HCN1: variants seen among roughly 807,000 people sequenced by gnomAD.
HCN1 encodes the protein hyperpolarization activated cyclic nucleotide gated potassium channel 1.
In HCN1, 13 loss-of-function variants were observed where a neutral mutation model predicts 78.9. The ratio of observed to expected loss-of-function variants is 0.16; its 90% CI spans 0.11 to 0.26. HCN1 has a LOEUF of 0.26. HCN1 is among the 10% of genes least tolerant of loss of function. The pLI, the probability that HCN1 is intolerant of heterozygous loss-of-function variation, is 1.00. For missense variants in HCN1, 810 were observed against 1,154.3 expected (o/e 0.70, Z 4.32); for synonymous variants, 552 against 455.5 (o/e 1.21, Z -2.70).
intron 6 of HCN1, among the ~76,000 whole-genome samples, chr5:45,283,719 G>A (rs977059086): frequency 1.3e-5 from 2 of 151,892 alleles, no homozygotes; most frequent in African/African-American, 4.8e-5. Flanking sequence ...CAACCATTGT[G>A]GAAAGCAGTA....
intron 2 of HCN1, among the ~76,000 whole-genome samples, chr5:45,592,458 T>C (rs1424436181): frequency 6.6e-6 from 1 of 152,178 alleles, no homozygotes; most frequent in African/African-American, 2.4e-5. Flanking sequence ...AGAAAACAAA[T>C]AATAGATGAT....
intron 2 of HCN1, among the ~76,000 whole-genome samples, chr5:45,571,528 C>T (rs758972667): frequency 3.3e-5 from 5 of 152,140 alleles, no homozygotes; most frequent in African/African-American, 7.2e-5. Context: ...AACCTGGATG[C>T]TTCATGGGAA....
intron 1 of HCN1, among the ~76,000 whole-genome samples, chr5:45,686,846 C>A (rs1318654281): frequency 6.6e-6 from 1 of 152,118 alleles, no homozygotes; most frequent in African/African-American, 2.4e-5. Context: ...TCTTTCAAGG[C>A]TAGCTATTTT....
intron 4 of HCN1, among the ~76,000 whole-genome samples, chr5:45,380,116 G>A (rs1039295456): frequency 1.3e-5 from 2 of 152,034 alleles, no homozygotes; most frequent in Admixed American, 6.6e-5. Context: ...GCATTTATTT[G>A]TCATGGTTCT....
intron 2 of HCN1, chr5:45,558,991 C>T (rs1010308067): frequency 6.8e-6 from 1 of 148,054 alleles, no homozygotes; most frequent in East Asian, 2.0e-4. Context: ...AAACTCCTGG[C>T]CTCAAATGGT....
intron 4 of HCN1, among the ~76,000 whole-genome samples, chr5:45,378,465 G>A (rs985386097): frequency 6.6e-6 from 1 of 152,010 alleles, no homozygotes; most frequent in African/African-American, 2.4e-5. Context: ...GAACCTGCCT[G>A]GAGCCAGGCA....
chr5:45,307,902 C>T (rs1191152458), intron 5 of HCN1, among the ~76,000 whole-genome samples: 1 of 152,214 alleles, frequency 6.6e-6, no homozygotes, highest in East Asian at 1.9e-4. Context: ...ATGTGATGTA[C>T]ATGGGAATTC....
rs1468516767 is a variant in HCN1 at position 45,351,399 on chromosome 5, G to A, written c.1377+1701C>T. 1.2e-4 allele frequency among the ~76,000 whole-genome samples: 13 copies of A among 106,314 alleles called. 1 individual carries two copies. The highest frequency in any genetic ancestry group is 2.1e-4 in the Non-Finnish European group (12 of 58,498). 69.7% of individuals were successfully genotyped at this position (106,314 alleles called of 152,430 possible). On this transcript the variant is annotated intron_variant, in intron 5 of 7. Coordinates refer to ENST00000303230, the MANE Select transcript of HCN1 (RefSeq NM_021072.4). The stretch of plus-strand genomic sequence containing the variant: ...TTCAAGATGGATTAAAGATTTAAAC[G>A]TTAGACCTAAAACCATAAAAACCCT...
intron 2 of HCN1, among the ~76,000 whole-genome samples, chr5:45,511,176 T>G (rs1380860897): frequency 1.3e-5 from 2 of 151,958 alleles, no homozygotes; most frequent in African/African-American, 4.8e-5. Context: ...AGAAACAAAA[T>G]AAATAATGTA....
chr5:45,609,157 A>G (rs1364788619), intron 2 of HCN1, among the ~76,000 whole-genome samples: 2 of 152,092 alleles, frequency 1.3e-5, no homozygotes, highest in Non-Finnish European at 2.9e-5. Context: ...TTGGAAAGCA[A>G]TTTGGCATCA....
At chr5:45,377,356 T>A (rs1038792637) in intron 4 of HCN1, among the ~76,000 whole-genome samples, 2 of 152,026 alleles carry the variant, frequency 1.3e-5, no homozygotes, top group Non-Finnish European at 2.9e-5. Flanking sequence ...TCATGACTAT[T>A]TAATATTTTG....
At chr5:45,678,189 T>C (rs1003480102) in intron 1 of HCN1, among the ~76,000 whole-genome samples, 2 of 151,876 alleles carry the variant, frequency 1.3e-5, no homozygotes, top group Non-Finnish European at 2.9e-5. Flanking sequence ...TTGGATGCAG[T>C]GATTCCCTTA....
intron 2 of HCN1, among the ~76,000 whole-genome samples, chr5:45,514,292 G>T (rs993292455): frequency 6.6e-6 from 1 of 151,900 alleles, no homozygotes; most frequent in African/African-American, 2.4e-5. Context: ...AACACATTGC[G>T]CTGTCTTTCC....
At chr5:45,695,386 C>T (rs746025379) in intron 1 of HCN1, among the ~76,000 whole-genome samples, 7 of 152,140 alleles carry the variant, frequency 4.6e-5, no homozygotes, top group East Asian at 1.9e-4. Flanking sequence ...AGGAGGGTGA[C>T]CGTGGCCTCC....
At chr5:45,652,277 A>AT (rs1745689365) in intron 1 of HCN1, among the ~76,000 whole-genome samples, 1 of 151,880 alleles carries the variant, frequency 6.6e-6, no homozygotes, top group Non-Finnish European at 1.5e-5. Context: ...TGTTTGTGGG[A>AT]TTTTACAACT....
chr5:45,382,935 A>G (rs894538098), intron 4 of HCN1, among the ~76,000 whole-genome samples: 5 of 152,190 alleles, frequency 3.3e-5, no homozygotes, highest in African/African-American at 1.2e-4. Flanking sequence ...ACTACACTAC[A>G]GTAGAGAAAA....
At chr5:45,603,578 T>C (rs2111967636) in intron 2 of HCN1, among the ~76,000 whole-genome samples, 1 of 152,172 alleles carries the variant, frequency 6.6e-6, no homozygotes, top group East Asian at 1.9e-4. Flanking sequence ...AAACATAGCA[T>C]TGAATGGTTG....
intron 3 of HCN1, among the ~76,000 whole-genome samples, chr5:45,450,025 G>T (rs1740886136): frequency 6.6e-6 from 1 of 152,062 alleles, no homozygotes; most frequent in Non-Finnish European, 1.5e-5. Flanking sequence ...AAGAGACGAG[G>T]TTTCACCATG....
intron 4 of HCN1, among the ~76,000 whole-genome samples, chr5:45,377,605 T>A (rs1747711076): frequency 6.6e-6 from 1 of 151,888 alleles, no homozygotes; most frequent in African/African-American, 2.4e-5. Context: ...AAGTGATGTA[T>A]TTGAGAAGGC....
Sources: allele counts gnomAD v4.1 joint callset (sites outside exome capture counted in the v4.1 genomes callset), GRCh38; gene constraint gnomAD v4.1.1; transcripts MANE v1.5; gene names NCBI Gene and HGNC (gene_info 2026-07-23, HGNC 2026-07-21).